ATP6V1H: variants seen among roughly 807,000 people sequenced by gnomAD.
ATP6V1H encodes the protein V-type proton ATPase subunit H.
In ATP6V1H, 39 loss-of-function variants were observed where a neutral mutation model predicts 71.7. The ratio of observed to expected loss-of-function variants is 0.54; its 90% CI spans 0.42 to 0.71. The LOEUF (loss-of-function observed/expected upper bound fraction) is 0.71. Among genes scored for constraint, ATP6V1H ranks in the 30% least tolerant of loss-of-function variants. ATP6V1H has a pLI of 0.00. For missense variants in ATP6V1H, 509 were observed against 594.9 expected (o/e 0.86, Z 1.50); for synonymous variants, 192 against 199.3 (o/e 0.96, Z 0.31).
In ATP6V1H at chr8:53,775,804, T is replaced by A. The variant is rs1360235105; in HGVS notation, c.871-3637A>T. ...AAGCTAGACATAAAGACTCTCCACG[T>A]CCCCACCAGACTCAGGAGCCCAGCT... On this transcript the variant is annotated intron_variant, in intron 9 of 13. Coordinates refer to ENST00000359530, the MANE Select transcript of ATP6V1H (RefSeq NM_015941.4). Among the ~76,000 whole-genome samples the A allele has an allele frequency of 2.6e-5, 4 of 152,182 alleles. No individual in the cohort carries two copies. The East Asian group carries it at 7.7e-4, about 29-fold the overall frequency.
At chr8:53,748,693 T>C (rs904526832) in intron 12 of ATP6V1H, among the ~76,000 whole-genome samples, 4 of 152,232 alleles carry the variant, frequency 2.6e-5, no homozygotes, top group African/African-American at 9.6e-5. Context: ...ACATACTATA[T>C]ATGCATGGGG....
chr8:53,756,681 A>G, intron 11 of ATP6V1H, 25 bp from the exon 12 acceptor site: 1 of 1,555,294 alleles, frequency 6.4e-7, no homozygotes, highest in Non-Finnish European at 8.8e-7. Context: ...ATCCAAAGAG[A>G]GATCAAGTTC....
chr8:53,802,481 G>A (rs1419384514), intron 7 of ATP6V1H, among the ~76,000 whole-genome samples: 1 of 152,208 alleles, frequency 6.6e-6, no homozygotes, highest in African/African-American at 2.4e-5. Flanking sequence ...CACTTTGGGA[G>A]GCTGAGGCGG....
chr8:53,785,011 G>A (rs1809320240), intron 9 of ATP6V1H, among the ~76,000 whole-genome samples: 1 of 152,052 alleles, frequency 6.6e-6, no homozygotes, highest in Non-Finnish European at 1.5e-5. Flanking sequence ...TGACAATTAT[G>A]TGTCTTGGAG....
chr8:53,790,124 T>G (rs770247618), intron 9 of ATP6V1H, among the ~76,000 whole-genome samples: 5 of 152,238 alleles, frequency 3.3e-5, no homozygotes, highest in Non-Finnish European at 7.3e-5. Flanking sequence ...CTCTCTCTAG[T>G]CTTGCTTTCT....
intron 13 of ATP6V1H, among the ~76,000 whole-genome samples, chr8:53,732,190 G>A (rs1467380030): frequency 2.0e-5 from 3 of 152,118 alleles, no homozygotes; most frequent in Admixed American, 2.0e-4. Flanking sequence ...GTGTGAATTA[G>A]ACAAGTGAGT....
rs567729080 is a variant in ATP6V1H, at chr8:53,747,974, T to A, written c.1278-4284A>T. ...TGAGGTCAGGAGTTTGAGACCAGCC[T>A]GACCAACACAGTAAAACCCCGTCTC... On this transcript the variant is annotated intron_variant, in intron 12 of 13. Coordinates refer to ENST00000359530, the MANE Select transcript of ATP6V1H (RefSeq NM_015941.4). Among the ~76,000 whole-genome samples, 16 of 151,964 alleles carry A rather than the reference T, an allele frequency of 1.1e-4. No individual in the cohort carries two copies. In the South Asian group the frequency reaches 3.3e-3, roughly 32 times the overall value.
At chr8:53,770,136 A>G (rs922838354) in intron 10 of ATP6V1H, among the ~76,000 whole-genome samples, 3 of 152,180 alleles carry the variant, frequency 2.0e-5, no homozygotes, top group African/African-American at 7.2e-5. Context: ...GTAAAAGCAT[A>G]GTACTTTAAC....
At chr8:53,718,380 C>T (rs1452861694) in intron 13 of ATP6V1H, among the ~76,000 whole-genome samples, 1 of 144,048 alleles carries the variant, frequency 6.9e-6, no homozygotes, top group Non-Finnish European at 1.5e-5. Context: ...TCCTCTCCTA[C>T]ACAATTTTTT....
chr8:53,773,877 T>C (rs190554942), intron 9 of ATP6V1H, among the ~76,000 whole-genome samples: 2 of 152,014 alleles, frequency 1.3e-5, no homozygotes, highest in Non-Finnish European at 2.9e-5. Flanking sequence ...ATTTCTGAAA[T>C]AAAAAAATAT....
chr8:53,724,318 AGTACAG>A (rs1453176410), intron 13 of ATP6V1H, among the ~76,000 whole-genome samples: 1 of 152,198 alleles, frequency 6.6e-6, no homozygotes, highest in African/African-American at 2.4e-5. Context: ...TTTATAATGT[AGTACAG>A]ATGAGTATAG....
intron 4 of ATP6V1H, among the ~76,000 whole-genome samples, chr8:53,829,067 G>A (rs1810911692): frequency 6.6e-6 from 1 of 152,192 alleles, no homozygotes; most frequent in African/African-American, 2.4e-5. Flanking sequence ...CCCGGCACTG[G>A]CCTAGAACAT....
At chr8:53,754,986 G>C (rs919721021) in intron 12 of ATP6V1H, among the ~76,000 whole-genome samples, 1 of 152,312 alleles carries the variant, frequency 6.6e-6, no homozygotes, top group Non-Finnish European at 1.5e-5. Context: ...TTTTGCTTAG[G>C]GGGTGCAGGG....
chr8:53,797,367 T>C (rs1355995292), intron 8 of ATP6V1H, among the ~76,000 whole-genome samples: 3 of 152,162 alleles, frequency 2.0e-5, no homozygotes, highest in Non-Finnish European at 2.9e-5. Flanking sequence ...GCAGCCAAAT[T>C]CAGTTTGCAG....
At chr8:53,725,819 G>T (rs1398571257) in intron 13 of ATP6V1H, among the ~76,000 whole-genome samples, 1 of 151,946 alleles carries the variant, frequency 6.6e-6, no homozygotes, top group Non-Finnish European at 1.5e-5. Flanking sequence ...AGAGTATGAT[G>T]ACTTGCTTGT....
intron 8 of ATP6V1H, among the ~76,000 whole-genome samples, chr8:53,800,554 A>G (rs933646834): frequency 2.0e-5 from 3 of 152,222 alleles, no homozygotes; most frequent in African/African-American, 7.2e-5. Context: ...GCATTTACTC[A>G]AACTCAGGAA....
rs1196430399 is a variant in ATP6V1H, at chr8:53,825,486, A to G, written c.306+3958T>C. 2.0e-5 allele frequency among the ~76,000 whole-genome samples: 3 copies of G among 151,450 alleles called. 1 individual carries two copies. Among genetic ancestry groups the G allele is most frequent in the African/African-American group, 7.3e-5 (3 of 41,220 alleles). ...GAAAACCTAGGTAAATACTGGGGGA[A>G]AAAAAAAACTGCGAAGGGAACTAGC... On this transcript the variant is annotated intron_variant, in intron 4 of 13. Coordinates refer to ENST00000359530, the MANE Select transcript of ATP6V1H (RefSeq NM_015941.4).
At chr8:53,804,436 A>C (rs903518614) in intron 7 of ATP6V1H, among the ~76,000 whole-genome samples, 32 of 152,198 alleles carry the variant, frequency 2.1e-4, no homozygotes, top group African/African-American at 7.5e-4. Flanking sequence ...GCACTTTCGG[A>C]GGCCGAGGAG....
intron 13 of ATP6V1H, among the ~76,000 whole-genome samples, chr8:53,718,907 G>A (rs1458111522): frequency 9.2e-5 from 14 of 152,198 alleles, no homozygotes; most frequent in Admixed American, 9.2e-4. Flanking sequence ...AACTTTGTGA[G>A]CCTGGTTTGA....
Sources: gnomAD v4.1 joint callset for allele counts (sites outside exome capture counted in the v4.1 genomes callset) on GRCh38, gnomAD v4.1.1 for gene constraint, MANE v1.5 for transcripts, NCBI Gene and HGNC (gene_info 2026-07-23, HGNC 2026-07-21) for gene names.